Variants in KIAA0232 observed in about 807,000 individuals in gnomAD.
KIAA0232 encodes the protein KIAA0232, also known as uncharacterized protein KIAA0232.
Under a neutral mutation model 122.0 loss-of-function variants are expected in KIAA0232, and 27 were observed. The ratio of observed to expected loss-of-function variants is 0.22; its 90% CI spans 0.16 to 0.31. The LOEUF (loss-of-function observed/expected upper bound fraction) is 0.31, where lower values mean the gene tolerates loss of function less well. Ranked by LOEUF, KIAA0232 falls within the 10% of genes least tolerant of loss-of-function variation. The probability of loss-of-function intolerance (pLI) is 1.00; values close to 1 mark genes in which losing one functional copy is unlikely to be tolerated. For synonymous variants in KIAA0232, 613 were observed against 587.6 expected (o/e 1.04, Z -0.63); for missense variants, 1,551 against 1,634.2 (o/e 0.95, Z 0.88).
chr4:6,842,811 A>G (rs1577390919), intron 4 of KIAA0232, among the ~76,000 whole-genome samples: 1 of 151,482 alleles, frequency 6.6e-6, no homozygotes, highest in Non-Finnish European at 1.5e-5. Context: ...CTGGTCTTGA[A>G]CTCCTGATCT....
intron 1 of KIAA0232, among the ~76,000 whole-genome samples, chr4:6,785,182 C>T (rs1716563486): frequency 6.6e-6 from 1 of 152,164 alleles, no homozygotes; most frequent in South Asian, 2.1e-4. Context: ...CGTGATCCGC[C>T]TGCCTCAGCC....
intron 5 of KIAA0232, 131 bp from the exon 6 acceptor site, chr4:6,858,294 C>G: frequency 5.3e-6 from 3 of 567,314 alleles, no homozygotes; most frequent in African/African-American, 2.0e-5. Context: ...TTAAAAAGAT[C>G]GGTATTGAGT....
chr4:6,790,210 A>C (rs1180019809), intron 1 of KIAA0232, among the ~76,000 whole-genome samples: 1 of 152,080 alleles, frequency 6.6e-6, no homozygotes, highest in Non-Finnish European at 1.5e-5. Context: ...CATCTTCCCT[A>C]AGTGCTTACC....
intron 4 of KIAA0232, among the ~76,000 whole-genome samples, chr4:6,853,059 G>A (rs1180251337): frequency 6.6e-6 from 1 of 152,176 alleles, no homozygotes; most frequent in East Asian, 1.9e-4. Flanking sequence ...TGGGATACTA[G>A]GCACCCCTGA....
intron 3 of KIAA0232, among the ~76,000 whole-genome samples, chr4:6,831,165 C>T (rs956309881): frequency 2.6e-5 from 4 of 152,138 alleles, no homozygotes; most frequent in African/African-American, 9.7e-5. Flanking sequence ...AAGCGATTCT[C>T]CTGCCCCAGC....
At chr4:6,846,393 G>A (rs1379449893) in intron 4 of KIAA0232, among the ~76,000 whole-genome samples, 1 of 152,132 alleles carries the variant, frequency 6.6e-6, no homozygotes, top group Non-Finnish European at 1.5e-5. Flanking sequence ...CAGCGAGCAA[G>A]CTTTACCGCC....
Position 6,845,610 on chromosome 4 carries a change from G to A in KIAA0232, c.369+3406G>A, listed in dbSNP as rs192727460. On this transcript the variant is annotated intron_variant, in intron 4 of 9. Transcript: ENST00000307659. ...GCAGATTTTTTTTTTTTTAACAAGC[G>A]AGAAGTTAATTCAGGTAAATTATTT... Among the ~76,000 whole-genome samples, 264 of 151,604 alleles carry A rather than the reference G, an allele frequency of 1.7e-3. 1 individual carries two copies. Among genetic ancestry groups the A allele is most frequent in the African/African-American group, 6.0e-3 (247 of 41,338 alleles).
intron 1 of KIAA0232, among the ~76,000 whole-genome samples, chr4:6,793,839 A>G (rs914907632): frequency 6.6e-6 from 1 of 152,202 alleles, no homozygotes; most frequent in Non-Finnish European, 1.5e-5. Flanking sequence ...TCATTTTACA[A>G]ATGAGGAAGC....
intron 2 of KIAA0232, among the ~76,000 whole-genome samples, chr4:6,809,863 A>G (rs1034050887): frequency 1.3e-5 from 2 of 152,166 alleles, no homozygotes; most frequent in Non-Finnish European, 2.9e-5. Context: ...ACCTAGGAAT[A>G]CATTTAACCA....
At chr4:6,816,415 T>G (rs1718129932) in intron 2 of KIAA0232, among the ~76,000 whole-genome samples, 1 of 151,940 alleles carries the variant, frequency 6.6e-6, no homozygotes, top group Non-Finnish European at 1.5e-5. Flanking sequence ...TCCGAGTAGC[T>G]GGGACTACAA....
intron 7 of KIAA0232, chr4:6,866,306 T>C (rs772918788): frequency 5.0e-5 from 45 of 891,330 alleles, no homozygotes; most frequent in Non-Finnish European, 5.9e-5. Context: ...CCGGGTTTCC[T>C]TGAAAGGTCT....
At chr4:6,867,368 G>T (rs78971028) in intron 7 of KIAA0232, among the ~76,000 whole-genome samples, 1 of 152,174 alleles carries the variant, frequency 6.6e-6, no homozygotes, top group Non-Finnish European at 1.5e-5. Context: ...AGAAGCAAGG[G>T]TAAAGAGATT....
At chr4:6,841,134 CAT>C (rs1719637332) in intron 3 of KIAA0232, among the ~76,000 whole-genome samples, 2 of 152,254 alleles carry the variant, frequency 1.3e-5, no homozygotes, top group African/African-American at 4.8e-5. Flanking sequence ...GTCACTCTAA[CAT>C]TATTTGAATC....
intron 4 of KIAA0232, among the ~76,000 whole-genome samples, chr4:6,842,762 A>AT (rs1719731163): frequency 6.6e-6 from 1 of 151,736 alleles, no homozygotes; most frequent in East Asian, 1.9e-4. Flanking sequence ...ATTTTTTTGC[A>AT]TTTTTTAGTA....
At chr4:6,795,833 C>T (rs948659742) in intron 1 of KIAA0232, among the ~76,000 whole-genome samples, 9 of 152,190 alleles carry the variant, frequency 5.9e-5, no homozygotes, top group Non-Finnish European at 1.0e-4. Context: ...TCATGCAGTC[C>T]GCTTGCCTTG....
chr4:6,855,829 C>T lies in KIAA0232; in HGVS notation c.370-1335C>T. 1.0e-6 allele frequency: 1 copy of T among 985,218 alleles called. No individual in the cohort carries two copies. Among genetic ancestry groups the T allele is most frequent in the Non-Finnish European group, 1.2e-6 (1 of 829,738 alleles). 61.0% of individuals were successfully genotyped at this position (985,218 alleles called of 1,614,324 possible). On this transcript the variant is annotated intron_variant, in intron 4 of 9. Transcript: ENST00000307659. The surrounding 1 kb of genome is among the most constrained non-coding windows in gnomAD (Gnocchi z 4.3). ...ACAGTATGCAGTGTGTCAGCTGACA[C>T]TGGTGTTGGTTTCACGATCCGAAGG...
At chr4:6,839,103 GT>G (rs1361573648) in intron 3 of KIAA0232, among the ~76,000 whole-genome samples, 4 of 152,260 alleles carry the variant, frequency 2.6e-5, no homozygotes, top group Non-Finnish European at 5.9e-5. Context: ...TCCAGCCTGG[GT>G]TACAGAGCAA....
At chr4:6,880,680 G>A (rs560156726) in intron 9 of KIAA0232, 107 bp from the exon 10 acceptor site, 20 of 776,944 alleles carry the variant, frequency 2.6e-5, no homozygotes, top group African/African-American at 1.6e-4. Flanking sequence ...AACTCCACAG[G>A]AAAACACTGA....
At chr4:6,792,799 C>T (rs1716963040) in intron 1 of KIAA0232, among the ~76,000 whole-genome samples, 2 of 151,232 alleles carry the variant, frequency 1.3e-5, no homozygotes, top group Admixed American at 6.6e-5. Flanking sequence ...ACGCCATTCT[C>T]CTGCCTCAGC....
Sources: allele counts gnomAD v4.1 joint callset (sites outside exome capture counted in the v4.1 genomes callset), GRCh38; gene constraint gnomAD v4.1.1; non-coding constraint Gnocchi (gnomAD v3.1); transcripts MANE v1.5; gene names NCBI Gene and HGNC (gene_info 2026-07-23, HGNC 2026-07-21).